RNF144A: variants seen among roughly 807,000 people sequenced by gnomAD.
RNF144A encodes the protein E3 ubiquitin-protein ligase RNF144A.
A neutral mutation model predicts 38.7 loss-of-function variants in RNF144A; 11 were observed. The observed-to-expected ratio is 0.28, with a 90% CI of 0.18 to 0.47. The LOEUF (loss-of-function observed/expected upper bound fraction) is 0.47. Among genes scored for constraint, RNF144A ranks in the 20% least tolerant of loss-of-function variants. The pLI is 0.99. For missense variants in RNF144A, 316 were observed against 377.2 expected, an observed-to-expected ratio of 0.84 and a Z score of 1.34; for synonymous variants, 149 against 143.9, an observed-to-expected ratio of 1.04 and a Z score of -0.25.
rs111946146 is a variant in RNF144A at position 6,957,059 on chromosome 2, A to C, written c.-12+15912A>C. ...ACTCTTAGGCCCCCAGCACACTCCA[A>C]CTGGAATGTGAGGAATAATTGGTGG... On this transcript the variant is annotated intron_variant, in intron 2 of 8. Transcript: ENST00000320892. Among the ~76,000 whole-genome samples the C allele has an allele frequency of 8.6e-3, 1,315 of 152,234 alleles. 20 individuals are homozygous for C. The highest frequency in any genetic ancestry group is 0.029 in the African/African-American group (1,201 of 41,548).
rs1202009450 is a variant in RNF144A, at chr2:6,958,934, C to G, written c.-12+17787C>G. 6.6e-6 allele frequency among the ~76,000 whole-genome samples: 1 copy of G among 152,180 alleles called. No individual in the cohort carries two copies. The highest frequency in any genetic ancestry group is 2.4e-5 in the African/African-American group (1 of 41,464). On this transcript the variant is annotated intron_variant, in intron 2 of 8. Transcript: ENST00000320892. The surrounding 1 kb of genome is among the most constrained non-coding windows in gnomAD (Gnocchi z 4.5). ...AGCTTCTCTTTTACCCAGTGACTCCCTAAATGGTGCATTAGATCATCTTGC... is the reference window on the plus strand; with the variant it reads ...AGCTTCTCTTTTACCCAGTGACTCCGTAAATGGTGCATTAGATCATCTTGC...
In RNF144A at chr2:7,043,769, C is replaced by G; in HGVS notation, c.*4009C>G. 2 of 985,864 alleles carry G rather than the reference C, an allele frequency of 2.0e-6. No individual in the cohort carries two copies. The highest frequency in any genetic ancestry group is 2.4e-6 in the Non-Finnish European group (2 of 829,946). 61.1% of individuals were successfully genotyped at this position (985,864 alleles called of 1,614,324 possible). ...TTGTGCAATTCTGTCTTCCACAGTT[C>G]CGGAGCCTTCAGTGAGGGGTAGCTA... On this transcript the variant is annotated 3_prime_UTR_variant, in exon 9 of 9. Coordinates refer to ENST00000320892, the MANE Select transcript of RNF144A (RefSeq NM_014746.6).
At chr2:7,018,043 A>G (rs1365347646) in intron 5 of RNF144A, among the ~76,000 whole-genome samples, 2 of 152,168 alleles carry the variant, frequency 1.3e-5, no homozygotes, top group Admixed American at 1.3e-4. Flanking sequence ...GCTTAATAGC[A>G]TCCCCCACTG....
intron 2 of RNF144A, among the ~76,000 whole-genome samples, chr2:6,973,947 A>G (rs960174189): frequency 1.4e-4 from 21 of 152,230 alleles, no homozygotes; most frequent in African/African-American, 4.6e-4. Flanking sequence ...AGACTTTGCC[A>G]GTCTCTGGTC....
intron 6 of RNF144A, among the ~76,000 whole-genome samples, chr2:7,056,759 C>T (rs572093162): frequency 1.3e-5 from 2 of 152,208 alleles, no homozygotes; most frequent in African/African-American, 2.4e-5. Context: ...TGGTCTCCCC[C>T]CCAGTTGTGG....
Position 6,917,584 on chromosome 2 carries a change from G to A in RNF144A, c.-250G>A, listed in dbSNP as rs1295174322. The A allele has an allele frequency of 2.7e-5, 4 of 147,952 alleles. No individual in the cohort carries two copies. The highest frequency in any genetic ancestry group is 6.7e-5 in the Admixed American group (1 of 14,896). 9.2% of individuals were successfully genotyped at this position (147,952 alleles called of 1,614,324 possible). On this transcript the variant is annotated 5_prime_UTR_variant, in exon 1 of 9. Coordinates refer to ENST00000320892, the MANE Select transcript of RNF144A (RefSeq NM_014746.6). This position sits in a 1 kb window ranked among gnomAD's most constrained non-coding sequence, Gnocchi z 4.8. ...GGCACCCCGCAGCCAGTACCGGGCG[G>A]AGGCGTCAGAGCCGCGCACCGCGGA...
rs189225308 is a variant in RNF144A at position 7,015,186 on chromosome 2, C to T, written c.301+414C>T. Among the ~76,000 whole-genome samples the T allele has an allele frequency of 4.0e-3, 608 of 152,282 alleles. 3 individuals carry two copies. Among genetic ancestry groups the T allele is most frequent in the South Asian group, 0.022 (107 of 4,826 alleles). ...GTAGGCATAGCAGAAATTACAGTAA[C>T]CCCCGTCCTAACAACAGTCCGATGG... is the stretch of plus-strand genomic sequence containing the variant. On this transcript the variant is annotated intron_variant, in intron 5 of 8. Coordinates refer to ENST00000320892, the MANE Select transcript of RNF144A (RefSeq NM_014746.6).
chr2:7,068,815 C>T (rs943652701), downstream of RNF144A, among the ~76,000 whole-genome samples: 1 of 152,182 alleles, frequency 6.6e-6, no homozygotes, highest in African/African-American at 2.4e-5. Context: ...ATGGCCATTA[C>T]GAGTCTAGGA....
At chr2:7,068,290 A>G (rs1428983660), downstream of RNF144A, 1 of 1,276,318 alleles carries the variant, frequency 7.8e-7, no homozygotes, top group Admixed American at 2.3e-5. Flanking sequence ...TGGGTTGTTT[A>G]TAACACATTT....
chr2:6,985,268 CTCTTTTTTTTTTTTT>C (rs1240223319), intron 2 of RNF144A, among the ~76,000 whole-genome samples: 1 of 128,614 alleles, frequency 7.8e-6, no homozygotes, highest in Non-Finnish European at 1.6e-5. Context: ...TCCCTCCCCC[CTCTTTTTTTTTTTTT>C]TTTTTTTTTT....
At chr2:7,051,256 G>C (rs75123881) in intron 6 of RNF144A, among the ~76,000 whole-genome samples, 1 of 152,138 alleles carries the variant, frequency 6.6e-6, no homozygotes. Flanking sequence ...AAGTAAAGCC[G>C]CAGACGCCCC....
intron 8 of RNF144A, among the ~76,000 whole-genome samples, chr2:7,036,083 C>T (rs1672659604): frequency 1.3e-5 from 2 of 152,188 alleles, no homozygotes; most frequent in African/African-American, 4.8e-5. Context: ...TGAGCCGCAC[C>T]TGTGCCCTGT....
intron 8 of RNF144A, among the ~76,000 whole-genome samples, chr2:7,036,403 A>G (rs961474638): frequency 6.6e-6 from 1 of 152,230 alleles, no homozygotes; most frequent in African/African-American, 2.4e-5. Flanking sequence ...ATTCACATGC[A>G]TCCGTGGAGG....
chr2:7,020,154 C>T (rs72781796), intron 5 of RNF144A, among the ~76,000 whole-genome samples: 6,865 of 152,206 alleles, frequency 0.045, 169 homozygotes, highest in Middle Eastern at 0.078. Flanking sequence ...GATGTGGAGG[C>T]CTTTGAGCTG....
At chr2:6,932,559 C>A (rs190150673) in intron 1 of RNF144A, among the ~76,000 whole-genome samples, 177 of 152,062 alleles carry the variant, frequency 1.2e-3, no homozygotes, top group Middle Eastern at 6.8e-3. Flanking sequence ...TGTGTTTTAT[C>A]TCACCATTCT....
chr2:6,993,641 C>G (rs192685985), intron 2 of RNF144A, among the ~76,000 whole-genome samples: 1 of 152,054 alleles, frequency 6.6e-6, no homozygotes, highest in East Asian at 1.9e-4. Flanking sequence ...AATGCGTTCT[C>G]GGGTGATGTC....
chr2:7,003,176 A>T (rs1327033227), intron 3 of RNF144A, among the ~76,000 whole-genome samples: 1 of 152,222 alleles, frequency 6.6e-6, no homozygotes, highest in Non-Finnish European at 1.5e-5. Context: ...AAGTTGAGAA[A>T]ATGAAAAAGT....
At chr2:6,928,381 G>A (rs1330887865) in intron 1 of RNF144A, among the ~76,000 whole-genome samples, 2 of 152,152 alleles carry the variant, frequency 1.3e-5, no homozygotes, top group African/African-American at 2.4e-5. Context: ...TTTACCATTG[G>A]CATTCTCCTG....
intron 2 of RNF144A, among the ~76,000 whole-genome samples, chr2:6,986,804 G>A (rs537810351): frequency 1.8e-4 from 28 of 152,150 alleles, no homozygotes; most frequent in Admixed American, 1.8e-3. Context: ...TGGGGTGAGG[G>A]GCAGGGTTGC....
Sources: gnomAD v4.1 joint callset for allele counts (sites outside exome capture counted in the v4.1 genomes callset) on GRCh38, gnomAD v4.1.1 for gene constraint, Gnocchi (gnomAD v3.1) non-coding constraint, MANE v1.5 for transcripts, NCBI Gene and HGNC (gene_info 2026-07-23, HGNC 2026-07-21) for gene names.